NF1: variants seen among roughly 807,000 people sequenced by gnomAD.
NF1 encodes neurofibromin.
NF1 carries 122 observed loss-of-function variants against 325.7 expected under a neutral mutation model. That is an observed-to-expected ratio of 0.37 (90% confidence interval 0.32 to 0.44). The LOEUF (loss-of-function observed/expected upper bound fraction) is 0.44, where lower values mean the gene tolerates loss of function less well. NF1 is among the 20% of genes least tolerant of loss of function. The pLI is 1.00. For synonymous variants in NF1, 1,091 were observed against 1,186.0 expected (o/e 0.92, Z 1.65); for missense variants, 2,140 against 3,415.4 (o/e 0.63, Z 9.31).
Position 31,318,724 on chromosome 17 carries a change from G to A in NF1, c.4836-7096G>A, listed in dbSNP as rs758117081. 4 of 1,614,044 alleles carry A rather than the reference G, an allele frequency of 2.5e-6. No homozygotes were observed. In the South Asian group the frequency reaches 4.4e-5, roughly 18 times the overall value. Reference sequence around the variant, plus strand: ...TGAAGGACTGTTGCTGACGACAGAAGGTATATAAAGCTCCTGTTCAGATTT... The same window carrying A: ...TGAAGGACTGTTGCTGACGACAGAAAGTATATAAAGCTCCTGTTCAGATTT... On this transcript the variant is annotated intron_variant, in intron 36 of 57. Coordinates refer to ENST00000358273, the MANE Select transcript of NF1 (RefSeq NM_001042492.3).
At chr17:31,349,817 G>C (rs564194146) in intron 49 of NF1, among the ~76,000 whole-genome samples, 1 of 152,018 alleles carries the variant, frequency 6.6e-6, no homozygotes, top group African/African-American at 2.4e-5. Flanking sequence ...TACAATTCTT[G>C]AACATAGTTG....
chr17:31,174,806 TGCATATAGA>T (rs1324066988), intron 5 of NF1, among the ~76,000 whole-genome samples: 1 of 152,156 alleles, frequency 6.6e-6, no homozygotes, highest in East Asian at 1.9e-4. Flanking sequence ...TAGTTACTAT[TGCATATAGA>T]GCCATCAAAA....
chr17:31,106,308 T>A (rs1184415831), intron 1 of NF1, among the ~76,000 whole-genome samples: 1 of 152,204 alleles, frequency 6.6e-6, no homozygotes, highest in African/African-American at 2.4e-5. Flanking sequence ...GAATCTTATA[T>A]GAAAGGAAGC....
chr17:31,189,914 A>C (rs991645856), intron 8 of NF1, among the ~76,000 whole-genome samples: 20 of 151,686 alleles, frequency 1.3e-4, no homozygotes, highest in Non-Finnish European at 2.4e-4. Flanking sequence ...GGCATGCGCC[A>C]CCACGCCCGG....
intron 29 of NF1, among the ~76,000 whole-genome samples, chr17:31,242,755 A>C (rs1006047519): frequency 2.0e-5 from 3 of 152,150 alleles, no homozygotes; most frequent in African/African-American, 7.2e-5. Context: ...TCGGTCTGAG[A>C]GGTCACATAT....
At chr17:31,357,977 TC>T in intron 54 of NF1, 1 of 166,384 alleles carries the variant, frequency 6.0e-6, no homozygotes, top group South Asian at 1.5e-4. Flanking sequence ...TTCAGTTGGA[TC>T]ATGTATTTCA....
At chr17:31,240,510 A>G (rs1157643148) in intron 29 of NF1, among the ~76,000 whole-genome samples, 1 of 152,188 alleles carries the variant, frequency 6.6e-6, no homozygotes, top group Non-Finnish European at 1.5e-5. Context: ...TTCCAAATGT[A>G]GGCTATTGTG....
chr17:31,169,451 T>C (rs2065897299), intron 4 of NF1, among the ~76,000 whole-genome samples: 1 of 152,246 alleles, frequency 6.6e-6, no homozygotes, highest in South Asian at 2.1e-4. Context: ...GAAATATTTA[T>C]TGCCTTATTT....
At chr17:31,314,848 C>G (rs1176600355) in intron 36 of NF1, among the ~76,000 whole-genome samples, 1 of 152,096 alleles carries the variant, frequency 6.6e-6, no homozygotes, top group African/African-American at 2.4e-5. Context: ...CATATGATAG[C>G]TCTATTTTTA....
intron 39 of NF1, among the ~76,000 whole-genome samples, chr17:31,332,319 C>G (rs893687228): frequency 6.6e-6 from 1 of 151,800 alleles, no homozygotes; most frequent in Non-Finnish European, 1.5e-5. Flanking sequence ...CAAAAATTAG[C>G]CGGGCTCGGT....
chr17:31,274,701 C>G (rs2067968677), intron 36 of NF1, among the ~76,000 whole-genome samples: 1 of 151,414 alleles, frequency 6.6e-6, no homozygotes, highest in Non-Finnish European at 1.5e-5. Context: ...CTTGCTCATT[C>G]TGTGGATTTC....
chr17:31,097,495 G>A (rs907826815), intron 1 of NF1, among the ~76,000 whole-genome samples: 4 of 146,958 alleles, frequency 2.7e-5, no homozygotes, highest in African/African-American at 7.5e-5. Flanking sequence ...GAATGATTTT[G>A]ATTATATACC....
intron 46 of NF1, 79 bp downstream of exon 46, chr17:31,338,884 A>T: frequency 1.1e-6 from 1 of 922,520 alleles, no homozygotes; most frequent in East Asian, 2.4e-5. Flanking sequence ...GAGTTTAGAA[A>T]ATAAGATGAA....
At chr17:31,180,726 A>G (rs569380004) in intron 5 of NF1, among the ~76,000 whole-genome samples, 1 of 152,256 alleles carries the variant, frequency 6.6e-6, no homozygotes, top group African/African-American at 2.4e-5. Context: ...ATTCAAACTA[A>G]TATTGGAAGT....
At chr17:31,359,104 G>C in intron 56 of NF1, 89 bp downstream of exon 56, 1 of 1,028,554 alleles carries the variant, frequency 9.7e-7, no homozygotes, top group South Asian at 1.4e-5. Context: ...ACAATGTGCT[G>C]AAAACCAGAA....
chr17:31,374,680 G>T lies in NF1; in HGVS notation c.*525G>T. On this transcript the variant is annotated 3_prime_UTR_variant, in exon 58 of 58. Transcript: ENST00000358273. The stretch of plus-strand genomic sequence containing the variant: ...TTTTTTTAACCGTACAAAACTGAAA[G>T]AACCATAGAGGTCAAGCCTCAGTGA... 4.2e-6 allele frequency: 1 copy of T among 239,360 alleles called. No homozygotes were observed. The highest frequency in any genetic ancestry group is 8.3e-6 in the Non-Finnish European group (1 of 120,924). The allele number at this position is 239,360 out of a possible 1,614,324, so 14.8% of individuals were successfully genotyped here.
intron 12 of NF1, among the ~76,000 whole-genome samples, chr17:31,210,380 T>C (rs1235791905): frequency 6.6e-6 from 1 of 152,088 alleles, no homozygotes; most frequent in Non-Finnish European, 1.5e-5. Context: ...ACCAGGAGTT[T>C]GAGACCAACT....
chr17:31,240,121 T>C lies in NF1; in HGVS notation c.3974+4100T>C, dbSNP rs751879773. 1.3e-4 allele frequency among the ~76,000 whole-genome samples: 20 copies of C among 152,214 alleles called. 1 individual carries two copies. The highest frequency in any genetic ancestry group is 2.8e-4 in the Non-Finnish European group (19 of 68,040). On this transcript the variant is annotated intron_variant, in intron 29 of 57. Transcript: ENST00000358273. ...ATACTCTTTTAGTGATTTTTAAATG[T>C]ACAATAAGTTCTTGTTGACTGTAGT...
intron 1 of NF1, among the ~76,000 whole-genome samples, chr17:31,132,441 G>A (rs1024888750): frequency 4.6e-5 from 7 of 152,188 alleles, no homozygotes; most frequent in Non-Finnish European, 7.4e-5. Context: ...TCAGGAGGCC[G>A]AGGCAGGAGA....
Sources: allele counts gnomAD v4.1 joint callset (sites outside exome capture counted in the v4.1 genomes callset), GRCh38; gene constraint gnomAD v4.1.1; transcripts MANE v1.5; gene names NCBI Gene and HGNC (gene_info 2026-07-23, HGNC 2026-07-21).